FYB1: variants seen among roughly 807,000 people sequenced by gnomAD.
The protein encoded by FYB1 is FYN binding protein 1.
FYB1 carries 41 observed loss-of-function variants against 94.1 expected under a neutral mutation model. The observed-to-expected ratio is 0.44, with a 90% CI of 0.34 to 0.57. FYB1 has a LOEUF of 0.57. Ranked by LOEUF, FYB1 falls within the 20% of genes least tolerant of loss-of-function variation. The pLI is 0.02. For synonymous variants in FYB1, 367 were observed against 353.2 expected, an observed-to-expected ratio of 1.04 and a Z score of -0.44; for missense variants, 1,050 against 976.8, an observed-to-expected ratio of 1.07 and a Z score of -1.00.
At chr5:39,181,350 G>A (rs1380014763) in intron 2 of FYB1, among the ~76,000 whole-genome samples, 1 of 151,664 alleles carries the variant, frequency 6.6e-6, no homozygotes, top group East Asian at 1.9e-4. Flanking sequence ...TTAAGATGTG[G>A]CTAGTGCAAC....
intron 1 of FYB1, among the ~76,000 whole-genome samples, chr5:39,226,288 C>A (rs1460444628): frequency 6.6e-6 from 1 of 152,086 alleles, no homozygotes; most frequent in Non-Finnish European, 1.5e-5. Flanking sequence ...CAGTGGCTTC[C>A]GATAGAATTG....
intron 1 of FYB1, among the ~76,000 whole-genome samples, chr5:39,218,459 C>T (rs748190437): frequency 2.6e-5 from 4 of 152,164 alleles, no homozygotes; most frequent in Admixed American, 1.3e-4. Flanking sequence ...AAAATCACAG[C>T]CACAACTTCA....
At chr5:39,238,937 C>A (rs1751089168) in intron 1 of FYB1, among the ~76,000 whole-genome samples, 1 of 151,976 alleles carries the variant, frequency 6.6e-6, no homozygotes, top group African/African-American at 2.4e-5. Flanking sequence ...TTTTTGGCCA[C>A]CTGACTTGCT....
chr5:39,110,708 C>A, intron 16 of FYB1: 3 of 305,588 alleles, frequency 9.8e-6, no homozygotes, highest in East Asian at 8.5e-5. Flanking sequence ...AGTGTGTTAC[C>A]CCCATGATCC....
intron 1 of FYB1, among the ~76,000 whole-genome samples, chr5:39,272,514 T>TA: frequency 7.5e-6 from 1 of 134,022 alleles, no homozygotes; most frequent in African/African-American, 2.7e-5. Context: ...AAAAAAAAAA[T>TA]ACAAAAAATT....
chr5:39,166,734 T>C (rs1744774966), intron 2 of FYB1, among the ~76,000 whole-genome samples: 1 of 152,212 alleles, frequency 6.6e-6, no homozygotes, highest in South Asian at 2.1e-4. Context: ...TTCTCACTTG[T>C]AAGTGGGAGT....
At chr5:39,193,570 T>A (rs1747552900) in intron 2 of FYB1, among the ~76,000 whole-genome samples, 1 of 152,104 alleles carries the variant, frequency 6.6e-6, no homozygotes. Flanking sequence ...CCAGAAGCAA[T>A]ACTGGGGGAA....
At chr5:39,255,072 A>ATAT in intron 1 of FYB1, among the ~76,000 whole-genome samples, 1 of 152,276 alleles carries the variant, frequency 6.6e-6, no homozygotes, top group Admixed American at 6.5e-5. Flanking sequence ...ACATTTTCTT[A>ATAT]TATTTTCGGA....
chr5:39,264,153 G>T (rs144919110), intron 1 of FYB1, among the ~76,000 whole-genome samples: 3 of 152,132 alleles, frequency 2.0e-5, no homozygotes, highest in African/African-American at 7.2e-5. Flanking sequence ...CATTTGACTT[G>T]TTGCCATTAT....
At chr5:39,170,900 C>T (rs1221617614) in intron 2 of FYB1, among the ~76,000 whole-genome samples, 1 of 152,138 alleles carries the variant, frequency 6.6e-6, no homozygotes, top group Non-Finnish European at 1.5e-5. Context: ...CTTGTTCTTA[C>T]CTAAGGAATT....
At chr5:39,135,058 T>C (rs775680633) in intron 7 of FYB1, 44 bp from the exon 8 acceptor site, 2 of 1,594,466 alleles carry the variant, frequency 1.3e-6, no homozygotes, top group African/African-American at 2.7e-5. Flanking sequence ...CCTTATAATT[T>C]AGAAAATCTT....
rs746741151 is a variant in FYB1, at chr5:39,202,454, C to T, written c.507G>A (p.Ala169=). The T allele has an allele frequency of 1.9e-5, 31 of 1,613,866 alleles. No homozygotes were observed. Among genetic ancestry groups the T allele is most frequent in the East Asian group, 1.3e-4 (6 of 44,864 alleles). The change falls in exon 2 of 19, where the codon GCG becomes GCA. Residue 169 remains alanine, a synonymous_variant. Transcript: ENST00000512982. ...CTTTAACCCCAGTCAATTTGGGAAA[C>T]GCTTGCTTCTGTTCATTTTCTGAGG... ...PPTSENEQKQ[A]FPKLTGVKGK...
chr5:39,245,096 A>G (rs184402715), intron 1 of FYB1, among the ~76,000 whole-genome samples: 1 of 150,292 alleles, frequency 6.7e-6, no homozygotes, highest in Admixed American at 6.6e-5. Context: ...AAGTTGTCAA[A>G]TGCTAGAATC....
intron 1 of FYB1, among the ~76,000 whole-genome samples, chr5:39,237,969 T>C (rs1317172062): frequency 2.6e-5 from 4 of 152,130 alleles, no homozygotes; most frequent in Non-Finnish European, 5.9e-5. Context: ...GACAAAGATA[T>C]AGAAGCATTA....
chr5:39,141,061 A>T (rs1489126921), intron 4 of FYB1, 34 bp downstream of exon 4: 1 of 1,464,786 alleles, frequency 6.8e-7, no homozygotes, highest in African/African-American at 1.4e-5. Flanking sequence ...CTGAGTTTAC[A>T]AATAAATAAA....
chr5:39,132,081 T>TCTCC (rs1741251722), intron 9 of FYB1, among the ~76,000 whole-genome samples: 1 of 152,202 alleles, frequency 6.6e-6, no homozygotes. Flanking sequence ...TTACTGTAGA[T>TCTCC]ACTGCTTTAG....
intron 16 of FYB1, among the ~76,000 whole-genome samples, chr5:39,111,803 G>C (rs1739101733): frequency 6.6e-6 from 1 of 151,786 alleles, no homozygotes; most frequent in Non-Finnish European, 1.5e-5. Context: ...GGAAAGTAAT[G>C]AAACATGTGT....
chr5:39,163,171 A>T (rs951541946), intron 2 of FYB1, among the ~76,000 whole-genome samples: 8 of 152,216 alleles, frequency 5.3e-5, no homozygotes, highest in Non-Finnish European at 1.2e-4. Flanking sequence ...CCTTGCCCTA[A>T]TTCAAAGCCA....
In FYB1 at chr5:39,181,426, A is replaced by G. The variant is rs148770472; in HGVS notation, c.1135+20400T>C. Among the ~76,000 whole-genome samples the G allele has an allele frequency of 6.9e-3, 1,058 of 152,276 alleles. 16 individuals carry two copies. Among genetic ancestry groups the G allele is most frequent in the African/African-American group, 0.024 (1,014 of 41,534 alleles). The stretch of plus-strand genomic sequence containing the variant: ...ACATCCACTGTGGTTAGTGGATACT[A>G]TATAGGACAGTATAGAACTGATAGA... On this transcript the variant is annotated intron_variant, in intron 2 of 18. Transcript: ENST00000512982.
Sources: allele counts gnomAD v4.1 joint callset (sites outside exome capture counted in the v4.1 genomes callset), GRCh38; gene constraint gnomAD v4.1.1; transcripts MANE v1.5; gene names NCBI Gene and HGNC (gene_info 2026-07-23, HGNC 2026-07-21).